ACTR3C: variants seen among roughly 807,000 people sequenced by gnomAD.
ACTR3C encodes actin related protein 3C.
In ACTR3C, 18 loss-of-function variants were observed where a neutral mutation model predicts 26.3. The observed-to-expected ratio is 0.68, with a 90% CI of 0.47 to 1.01. The LOEUF (loss-of-function observed/expected upper bound fraction) is 1.01. ACTR3C is among the 50% of genes least tolerant of loss of function. The pLI, the probability that ACTR3C is intolerant of heterozygous loss-of-function variation, is 0.00. For synonymous variants in ACTR3C, 55 were observed against 94.5 expected (o/e 0.58, Z 2.42); for missense variants, 184 against 250.7 (o/e 0.73, Z 1.80).
the ACTR3C span, among the ~76,000 whole-genome samples, chr7:150,015,923 C>T: frequency 9.2e-5 from 14 of 152,184 alleles, no homozygotes; most frequent in African/African-American, 1.9e-4. Flanking sequence ...CTCAAAAGTA[C>T]GCTAATAGGA....
the ACTR3C span, chr7:150,041,414 G>T: frequency 6.7e-5 from 10 of 149,686 alleles, no homozygotes; most frequent in Admixed American, 6.7e-4. Flanking sequence ...CCTGCCGTCG[G>T]AAGATTTGAA....
the ACTR3C span, among the ~76,000 whole-genome samples, chr7:150,041,780 C>A: frequency 7.8e-6 from 1 of 128,938 alleles, no homozygotes; most frequent in Non-Finnish European, 1.7e-5. Flanking sequence ...GCTCTCAGTC[C>A]CTGCCTCGCG....
chr7:150,240,704 C>G (rs1428562789), downstream of ACTR3C, among the ~76,000 whole-genome samples: 1 of 152,088 alleles, frequency 6.6e-6, no homozygotes, highest in Non-Finnish European at 1.5e-5. Context: ...TAACGTGATG[C>G]TAGATGTCCT....
chr7:150,139,089 A>G, the ACTR3C span, among the ~76,000 whole-genome samples: 1 of 152,274 alleles, frequency 6.6e-6, no homozygotes, highest in Admixed American at 6.5e-5. Flanking sequence ...AATAAAGTGC[A>G]CAATAAATGC....
At chr7:150,018,408 T>G in the ACTR3C span, among the ~76,000 whole-genome samples, 1 of 149,220 alleles carries the variant, frequency 6.7e-6, no homozygotes, top group Non-Finnish European at 1.5e-5. Flanking sequence ...ATGTTTTGAA[T>G]TTAAAAAAAT....
At chr7:150,113,906 T>C in the ACTR3C span, among the ~76,000 whole-genome samples, 1 of 152,106 alleles carries the variant, frequency 6.6e-6, no homozygotes, top group South Asian at 2.1e-4. Flanking sequence ...AATTAAATGA[T>C]TCAACTAGAA....
At chr7:150,052,722 G>A in the ACTR3C span, among the ~76,000 whole-genome samples, 3 of 106,062 alleles carry the variant, frequency 2.8e-5, no homozygotes, top group African/African-American at 9.9e-5. Flanking sequence ...TTGATCCTAC[G>A]CAAATGGCTG....
the ACTR3C span, among the ~76,000 whole-genome samples, chr7:149,967,731 G>A: frequency 2.6e-5 from 4 of 152,174 alleles, no homozygotes; most frequent in Admixed American, 2.0e-4. Context: ...GCCACAATGA[G>A]TGTATTGCAG....
At chr7:149,901,985 T>C in the ACTR3C span, among the ~76,000 whole-genome samples, 1 of 146,304 alleles carries the variant, frequency 6.8e-6, no homozygotes, top group Non-Finnish European at 1.5e-5. Flanking sequence ...AAAAAAAATG[T>C]GTTTGGGTAT....
At chr7:150,035,122 G>T in the ACTR3C span, among the ~76,000 whole-genome samples, 9 of 141,904 alleles carry the variant, frequency 6.3e-5, no homozygotes, top group East Asian at 1.9e-3. Context: ...CCTCCAGGTA[G>T]GTCCTAAGGA....
At chr7:149,927,740 A>G in the ACTR3C span, among the ~76,000 whole-genome samples, 1 of 152,128 alleles carries the variant, frequency 6.6e-6, no homozygotes. Context: ...GAAAGAAAAA[A>G]AAAAAGGGCC....
the ACTR3C span, among the ~76,000 whole-genome samples, chr7:149,899,647 T>A: frequency 7.2e-6 from 1 of 139,804 alleles, no homozygotes; most frequent in Non-Finnish European, 1.6e-5. Context: ...ATCTGGGATA[T>A]ATAAGAAAAG....
the ACTR3C span, among the ~76,000 whole-genome samples, chr7:150,135,743 G>A: frequency 1.4e-5 from 2 of 146,056 alleles, no homozygotes; most frequent in Non-Finnish European, 3.0e-5. Flanking sequence ...GGCTTGTCAC[G>A]ATTAACCAAA....
chr7:149,992,286 T>C, the ACTR3C span, among the ~76,000 whole-genome samples: 1 of 152,260 alleles, frequency 6.6e-6, no homozygotes, highest in Admixed American at 6.5e-5. Context: ...TCATGGGATC[T>C]TTGAAATATG....
chr7:150,187,281 CT>C, the ACTR3C span, among the ~76,000 whole-genome samples: 9 of 150,998 alleles, frequency 6.0e-5, no homozygotes, highest in African/African-American at 2.2e-4. Flanking sequence ...TTTTTTAACT[CT>C]TTGAAATAAC....
At chr7:149,894,113 A>G in the ACTR3C span, among the ~76,000 whole-genome samples, 1 of 152,220 alleles carries the variant, frequency 6.6e-6, no homozygotes, top group African/African-American at 2.4e-5. Context: ...AAGAGCCCAG[A>G]AATGAATCCA....
At chr7:149,967,801 T>C in the ACTR3C span, among the ~76,000 whole-genome samples, 20 of 151,970 alleles carry the variant, frequency 1.3e-4, no homozygotes, top group Middle Eastern at 3.4e-3. Flanking sequence ...ATTTCCAGGA[T>C]GGGATGACCT....
the ACTR3C span, among the ~76,000 whole-genome samples, chr7:150,150,731 T>C: frequency 0.047 from 6,571 of 138,712 alleles, 1,466 homozygotes; most frequent in East Asian, 0.36. Context: ...GGGATTTAAT[T>C]ATATCTGCTT....
the ACTR3C span, among the ~76,000 whole-genome samples, chr7:149,938,900 T>C: frequency 6.7e-6 from 1 of 148,554 alleles, no homozygotes; most frequent in Non-Finnish European, 1.5e-5. Flanking sequence ...CAATGCATAA[T>C]ATCTAAATAA....
Sources: allele counts gnomAD v4.1 joint callset (sites outside exome capture counted in the v4.1 genomes callset), GRCh38; gene constraint gnomAD v4.1.1; transcripts MANE v1.5; gene names NCBI Gene and HGNC (gene_info 2026-07-23, HGNC 2026-07-21).